ELP4: variants seen among roughly 807,000 people sequenced by gnomAD.
ELP4 encodes the protein elongator complex protein 4.
In ELP4, 51 loss-of-function variants were observed where a neutral mutation model predicts 48.9. The observed-to-expected ratio is 1.04, with a 90% CI of 0.83 to 1.32. ELP4 has a LOEUF of 1.32. ELP4 is among the 40% of genes most tolerant of loss of function. ELP4 has a pLI of 0.00. For synonymous variants in ELP4, 210 were observed against 189.2 expected, an observed-to-expected ratio of 1.11 and a Z score of -0.90; for missense variants, 519 against 514.6, an observed-to-expected ratio of 1.01 and a Z score of -0.08.
At chr11:31,651,721 G>C (rs1945322937) in intron 9 of ELP4, 1 of 151,622 alleles carries the variant, frequency 6.6e-6, no homozygotes, top group Non-Finnish European at 1.5e-5. Context: ...TTCTCTCCAT[G>C]TGGCACCTTT....
intron 5 of ELP4, among the ~76,000 whole-genome samples, chr11:31,606,740 G>C (rs1030002476): frequency 1.3e-5 from 2 of 152,108 alleles, no homozygotes; most frequent in African/African-American, 4.8e-5. Context: ...TGTTTACTTT[G>C]ACTTTGTTTT....
At chr11:31,709,186 C>A (rs1946691807) in intron 9 of ELP4, among the ~76,000 whole-genome samples, 2 of 152,038 alleles carry the variant, frequency 1.3e-5, no homozygotes, top group African/African-American at 4.8e-5. Flanking sequence ...GAGGTTTACC[C>A]AAAACCAAGG....
At chr11:31,615,819 C>T (rs1944467871) in intron 5 of ELP4, among the ~76,000 whole-genome samples, 1 of 152,014 alleles carries the variant, frequency 6.6e-6, no homozygotes, top group Admixed American at 6.6e-5. Context: ...CCCTTCATAC[C>T]TCTTTAATTG....
At chr11:31,609,953 G>A (rs1188935711) in intron 5 of ELP4, among the ~76,000 whole-genome samples, 3 of 151,962 alleles carry the variant, frequency 2.0e-5, no homozygotes, top group African/African-American at 7.2e-5. Context: ...GACTAAGGTG[G>A]GAGAATCACC....
intron 1 of ELP4, among the ~76,000 whole-genome samples, chr11:31,518,421 A>G (rs1484548035): frequency 6.6e-6 from 1 of 152,056 alleles, no homozygotes; most frequent in Non-Finnish European, 1.5e-5. Flanking sequence ...ATTAATTTTT[A>G]AATTGATTTT....
At chr11:31,731,567 G>GGCGTGT in intron 9 of ELP4, among the ~76,000 whole-genome samples, 1 of 142,866 alleles carries the variant, frequency 7.0e-6, no homozygotes, top group East Asian at 2.1e-4. Context: ...CCATTAAGCA[G>GGCGTGT]GTGTGTGTGT....
intron 9 of ELP4, among the ~76,000 whole-genome samples, chr11:31,705,188 G>A (rs1946605356): frequency 6.6e-6 from 1 of 152,054 alleles, no homozygotes; most frequent in Non-Finnish European, 1.5e-5. Flanking sequence ...CAAGAGCATG[G>A]TGCCAACATC....
chr11:31,618,661 G>A (rs962313497), intron 5 of ELP4, among the ~76,000 whole-genome samples: 1 of 152,030 alleles, frequency 6.6e-6, no homozygotes, highest in Non-Finnish European at 1.5e-5. Context: ...ACATGATTTC[G>A]TTTGTGTGAA....
At chr11:31,516,591 G>A (rs1956115278) in intron 1 of ELP4, among the ~76,000 whole-genome samples, 1 of 152,172 alleles carries the variant, frequency 6.6e-6, no homozygotes, top group Non-Finnish European at 1.5e-5. Context: ...AACTTCCCAT[G>A]CTCAATTGAT....
At chr11:31,541,930 G>A (rs1007293189) in intron 3 of ELP4, among the ~76,000 whole-genome samples, 4 of 152,160 alleles carry the variant, frequency 2.6e-5, no homozygotes, top group African/African-American at 9.7e-5. Context: ...TGATGTAGGA[G>A]AGTAAAATAT....
chr11:31,701,199 G>A (rs1279312684), intron 9 of ELP4, among the ~76,000 whole-genome samples: 2 of 151,996 alleles, frequency 1.3e-5, no homozygotes, highest in Non-Finnish European at 2.9e-5. Flanking sequence ...TGCTCAAGCA[G>A]TTTCTTTTCC....
chr11:31,543,314 GTTTGTTT>G (rs996006550), intron 3 of ELP4, among the ~76,000 whole-genome samples: 3 of 151,974 alleles, frequency 2.0e-5, no homozygotes, highest in Non-Finnish European at 4.4e-5. Context: ...TGTTGTTGTT[GTTTGTTT>G]TTTGTTTTTT....
intron 1 of ELP4, among the ~76,000 whole-genome samples, chr11:31,519,557 G>A (rs570290800): frequency 6.6e-6 from 1 of 152,192 alleles, no homozygotes; most frequent in South Asian, 2.1e-4. Flanking sequence ...TGGCTCACTG[G>A]CTCACGCCTG....
At chr11:31,680,342 C>T (rs1432960009) in intron 9 of ELP4, among the ~76,000 whole-genome samples, 2 of 152,128 alleles carry the variant, frequency 1.3e-5, no homozygotes, top group East Asian at 3.9e-4. Context: ...CATCTTGAAA[C>T]TGGCAAGAAT....
At chr11:31,744,492 A>C (rs543359334) in intron 9 of ELP4, among the ~76,000 whole-genome samples, 1 of 152,218 alleles carries the variant, frequency 6.6e-6, no homozygotes, top group Non-Finnish European at 1.5e-5. Flanking sequence ...AATCCTCAAT[A>C]AAATACTGGC....
intron 9 of ELP4, chr11:31,706,975 C>T (rs932828268): frequency 5.0e-6 from 2 of 398,098 alleles, no homozygotes; most frequent in Non-Finnish European, 8.9e-6. Flanking sequence ...TTTCTTTATT[C>T]ATCTTTTTTT....
At chr11:31,622,786 C>G (rs1814987833) in intron 5 of ELP4, among the ~76,000 whole-genome samples, 1 of 151,450 alleles carries the variant, frequency 6.6e-6, no homozygotes, top group Admixed American at 6.6e-5. Context: ...ACATTTGTGT[C>G]ATTTGGCCCC....
chr11:31,698,364 A>G (rs1946453593), intron 9 of ELP4, among the ~76,000 whole-genome samples: 1 of 152,120 alleles, frequency 6.6e-6, no homozygotes. Context: ...AATGAACACA[A>G]AGTATATACA....
intron 5 of ELP4, among the ~76,000 whole-genome samples, chr11:31,615,315 G>A (rs1027187859): frequency 1.3e-5 from 2 of 151,920 alleles, no homozygotes; most frequent in African/African-American, 2.4e-5. Flanking sequence ...AAAGGTTAAC[G>A]TTAAGAGGAT....
Sources: gnomAD v4.1 joint callset for allele counts (sites outside exome capture counted in the v4.1 genomes callset) on GRCh38, gnomAD v4.1.1 for gene constraint, MANE v1.5 for transcripts, NCBI Gene and HGNC (gene_info 2026-07-23, HGNC 2026-07-21) for gene names.